Variants in MARF1 observed in about 807,000 individuals in gnomAD.
MARF1 encodes the protein limkain-b1.
MARF1 carries 24 observed loss-of-function variants against 168.2 expected under a neutral mutation model. That is an observed-to-expected ratio of 0.14 (90% confidence interval 0.10 to 0.20). The LOEUF (loss-of-function observed/expected upper bound fraction) is 0.20. MARF1 is among the 10% of genes least tolerant of loss of function. MARF1 has a pLI of 1.00. For synonymous variants in MARF1, 868 were observed against 822.4 expected (o/e 1.06, Z -0.95); for missense variants, 1,744 against 2,143.6 (o/e 0.81, Z 3.68).
At position 15,611,106 on chromosome 16, in the gene MARF1, C is replaced by T; in HGVS notation, c.3620G>A (p.Cys1207Tyr). 6.2e-7 allele frequency: 1 copy of T among 1,613,664 alleles called. No homozygotes were observed. Among genetic ancestry groups the T allele is most frequent in the Non-Finnish European group, 8.5e-7 (1 of 1,179,712 alleles). Reference protein sequence around the residue: ...VREFSQAYHWCFSKDWDVTEY... With the variant: ...VREFSQAYHWYFSKDWDVTEY... Reference sequence around the variant, plus strand: ...AGTGACATCCCAGTCCTTTGAGAAACACCTAGGTTTTAACAACGGAAGTGG... The same window carrying T: ...AGTGACATCCCAGTCCTTTGAGAAATACCTAGGTTTTAACAACGGAAGTGG... The change falls in exon 19 of 27, where the codon TGT becomes TAT. Residue 1207 changes from cysteine (C) to tyrosine (Y), a missense_variant and splice_region_variant. Physicochemically the swap from Cys to Tyr is radical, Grantham distance 194. Coordinates refer to ENST00000396368, the MANE Select transcript of MARF1 (RefSeq NM_014647.4).
At chr16:15,609,499 T>A (rs188803007) in intron 20 of MARF1, 24 bp downstream of exon 20, 2 of 1,584,464 alleles carry the variant, frequency 1.3e-6, no homozygotes, top group East Asian at 4.5e-5. Flanking sequence ...AAATACTTTA[T>A]AAAATTAGAA....
chr16:15,625,123 C>T lies in MARF1; in HGVS notation c.2004G>A (p.Gln668=), dbSNP rs193036787. The change falls in exon 9 of 27, where the codon CAG becomes CAA. Residue 668 remains glutamine (Q), a synonymous_variant. Coordinates refer to ENST00000396368, the MANE Select transcript of MARF1 (RefSeq NM_014647.4). ...GTACGACCAGCCTCAGGTGACCTTG[C>T]TGGTGCTCACTGTTTCTATGACCAG... ...SKTGHRNSEH[Q]QGHLRLVVPT... 70 of 1,614,174 alleles carry T rather than the reference C, an allele frequency of 4.3e-5. 1 individual carries two copies. The South Asian group carries it at 5.4e-4, about 12-fold the overall frequency.
chr16:15,617,862 G>C (rs990659850), intron 13 of MARF1, among the ~76,000 whole-genome samples: 2 of 151,940 alleles, frequency 1.3e-5, no homozygotes, highest in Admixed American at 6.5e-5. Context: ...CCAATTCTCT[G>C]TGTTACTTCT....
chr16:15,615,178 A>G (rs997218731), intron 16 of MARF1, among the ~76,000 whole-genome samples: 1 of 152,184 alleles, frequency 6.6e-6, no homozygotes, highest in Non-Finnish European at 1.5e-5. Context: ...TTGAGTTTCA[A>G]ATTTTTTACA....
At chr16:15,603,767 G>GT (rs528248051) in intron 22 of MARF1, among the ~76,000 whole-genome samples, 1 of 115,702 alleles carries the variant, frequency 8.6e-6, no homozygotes, top group Admixed American at 9.5e-5. Context: ...AAGGCTGCCT[G>GT]GGGGACTGGC....
At position 15,639,106 on chromosome 16, in the gene MARF1, G is replaced by A; in HGVS notation, c.128C>T (p.Pro43Leu). Residue 43 changes from proline (P) to leucine (L), a missense_variant, in exon 2 of 27, where the codon CCA (proline) becomes CTA (leucine). Transcript: ENST00000396368. Reference protein sequence around the residue: ...NCFSRPEQTLPHSPQTKEYME... With the variant: ...NCFSRPEQTLLHSPQTKEYME... ...TATAGTTACCGTTTGGGGACTATGTGGCAGCGTCTGCTCAGGACGAGAAAA... is the reference window on the plus strand; with the variant it reads ...TATAGTTACCGTTTGGGGACTATGTAGCAGCGTCTGCTCAGGACGAGAAAA... 1 of 1,614,022 alleles carries A rather than the reference G, an allele frequency of 6.2e-7. No individual in the cohort carries two copies. Among genetic ancestry groups the A allele is most frequent in the Non-Finnish European group, 8.5e-7 (1 of 1,179,996 alleles).
intron 3 of MARF1, chr16:15,635,362 A>G (rs1344872394): frequency 2.2e-6 from 1 of 444,840 alleles, no homozygotes; most frequent in Non-Finnish European, 4.0e-6. Flanking sequence ...TAAAAAATCC[A>G]TCGTGCTTTA....
Position 15,635,850 on chromosome 16 carries a change from G to C in MARF1, c.637C>G (p.Pro213Ala), listed in dbSNP as rs755072355. 17 of 1,614,068 alleles carry C rather than the reference G, an allele frequency of 1.1e-5. No homozygotes were observed. Among genetic ancestry groups the C allele is most frequent in the Admixed American group, 3.3e-5 (2 of 60,002 alleles). ...GCGGAGGTGCAGCCCTGCAGACTCGGAAACTGATGCAGCTTGTGCACATTA... is the reference window on the plus strand; with the variant it reads ...GCGGAGGTGCAGCCCTGCAGACTCGCAAACTGATGCAGCTTGTGCACATTA... ...HGNVHKLHQFPSLQGCTSAGY... is the reference protein window; with the variant it reads ...HGNVHKLHQFASLQGCTSAGY... The change falls in exon 3 of 27, where the codon CCG (proline) becomes GCG (alanine). Residue 213 changes from proline (P) to alanine (A), a missense_variant. Coordinates refer to ENST00000396368, the MANE Select transcript of MARF1 (RefSeq NM_014647.4).
At chr16:15,607,765 A>T (rs962303241) in intron 21 of MARF1, among the ~76,000 whole-genome samples, 1 of 152,176 alleles carries the variant, frequency 6.6e-6, no homozygotes, top group South Asian at 2.1e-4. Flanking sequence ...CTAGGACAGG[A>T]AGGGTCAAGT....
rs775322052 is a variant in MARF1, at chr16:15,600,520, T to G, written c.4721A>C (p.Asn1574Thr). ...RLSSLSLSPA[N>T]HENQPSEGER... ...GCCCTCCGAGGGCTGGTTTTCATGATTGGCAGGGGAGAGACTGAGTGAACT... is the reference window on the plus strand; with the variant it reads ...GCCCTCCGAGGGCTGGTTTTCATGAGTGGCAGGGGAGAGACTGAGTGAACT... Residue 1574 changes from asparagine to threonine, a missense_variant, in exon 25 of 27, where the codon AAT becomes ACT. Physicochemically the swap from Asn to Thr is moderately conservative, Grantham distance 65. Coordinates refer to ENST00000396368, the MANE Select transcript of MARF1 (RefSeq NM_014647.4). 1.9e-6 allele frequency: 3 copies of G among 1,614,150 alleles called. No individual in the cohort carries two copies. In the East Asian group the frequency reaches 6.7e-5, roughly 36 times the overall value.
intron 25 of MARF1, 140 bp from the exon 26 acceptor site, chr16:15,599,164 A>C (rs754688942): frequency 1.5e-5 from 12 of 794,368 alleles, no homozygotes; most frequent in South Asian, 1.2e-4. Context: ...TAAAAAAAAA[A>C]AAAAAAAAAA....
rs188780317 is a variant in MARF1, at chr16:15,640,261, T to A, written c.-58-970A>T. Among the ~76,000 whole-genome samples the A allele has an allele frequency of 3.9e-5, 6 of 152,340 alleles. No individual in the cohort carries two copies. The East Asian group carries it at 1.2e-3, about 29-fold the overall frequency. On this transcript the variant is annotated intron_variant, in intron 1 of 26. Transcript: ENST00000396368. Reference sequence around the variant, plus strand: ...TGGCCTCTGTGGACTTTGAATTTGATTTGCTACAGAACAAATTGAACCAAT... The same window carrying A: ...TGGCCTCTGTGGACTTTGAATTTGAATTGCTACAGAACAAATTGAACCAAT...
chr16:15,602,387 C>T (rs1009073677), intron 22 of MARF1, 184 bp from the exon 23 acceptor site: 13 of 617,260 alleles, frequency 2.1e-5, no homozygotes, highest in African/African-American at 1.1e-4. Context: ...AAGAAGGAGA[C>T]GACAAAGATA....
At chr16:15,616,609 G>T (rs1239747904) in intron 15 of MARF1, among the ~76,000 whole-genome samples, 1 of 152,156 alleles carries the variant, frequency 6.6e-6, no homozygotes, top group Non-Finnish European at 1.5e-5. Context: ...TCATGATGGG[G>T]ATATGTACTC....
intron 21 of MARF1, among the ~76,000 whole-genome samples, chr16:15,608,014 G>A (rs1019073877): frequency 1.3e-5 from 2 of 152,118 alleles, no homozygotes; most frequent in African/African-American, 4.8e-5. Flanking sequence ...CGAACCCTGG[G>A]GTGAAGAGTG....
At chr16:15,613,684 T>TAAATAAATAAATAAATAAATAAAAA (rs1555524005) in intron 16 of MARF1, among the ~76,000 whole-genome samples, 1 of 146,222 alleles carries the variant, frequency 6.8e-6, no homozygotes, top group South Asian at 2.2e-4. Flanking sequence ...AATAAATAAA[T>TAAATAAATAAATAAATAAATAAAAA]AAATAAAATA....
chr16:15,619,381 T>C (rs947710783), intron 13 of MARF1, among the ~76,000 whole-genome samples: 1 of 152,254 alleles, frequency 6.6e-6, no homozygotes, highest in African/African-American at 2.4e-5. Context: ...CAACAGTATC[T>C]GCTCTGAATT....
In MARF1 at chr16:15,596,751, G is replaced by A; in HGVS notation, c.5171C>T (p.Pro1724Leu). The A allele has an allele frequency of 6.2e-7, 1 of 1,611,400 alleles. No homozygotes were observed. Among genetic ancestry groups the A allele is most frequent in the Non-Finnish European group, 8.5e-7 (1 of 1,177,940 alleles). The change falls in exon 27 of 27, where the codon CCC becomes CTC. Residue 1724 changes from proline to leucine, a missense_variant. Physicochemically the swap from Pro to Leu is moderately conservative, Grantham distance 98. Transcript: ENST00000396368. ...DPVESPAKKQ[P>L]KNRVKLAANF... ...GGCTGCCAATTTGACTCTATTTTTG[G>A]GTTGCTTTTTGGCCGGGCTTTCCAC...
chr16:15,614,745 A>T (rs954271580), intron 16 of MARF1, among the ~76,000 whole-genome samples: 2 of 151,740 alleles, frequency 1.3e-5, no homozygotes, highest in Admixed American at 6.6e-5. Flanking sequence ...GTGAGCCAAG[A>T]TTGTGCCACT....
Sources: gnomAD v4.1 joint callset for allele counts (sites outside exome capture counted in the v4.1 genomes callset) on GRCh38, gnomAD v4.1.1 for gene constraint, MANE v1.5 for transcripts, NCBI Gene and HGNC (gene_info 2026-07-23, HGNC 2026-07-21) for gene names.